The following FERMT2 variants were observed in gnomAD, a reference collection of about 807,000 sequenced individuals.
The protein encoded by FERMT2 is fermitin family homolog 2.
FERMT2 carries 15 observed loss-of-function variants against 82.7 expected under a neutral mutation model. That is an observed-to-expected ratio of 0.18 (90% CI 0.12 to 0.28). The LOEUF is 0.28. Ranked by LOEUF, FERMT2 falls within the 10% of genes least tolerant of loss-of-function variation. The probability of loss-of-function intolerance (pLI) is 1.00; values close to 1 mark genes in which losing one functional copy is unlikely to be tolerated. For synonymous variants in FERMT2, 274 were observed against 271.5 expected (o/e 1.01, Z -0.09); for missense variants, 645 against 809.4 (o/e 0.80, Z 2.46).
At chr14:52,912,873 A>C (rs1020864758) in intron 3 of FERMT2, among the ~76,000 whole-genome samples, 2 of 152,070 alleles carry the variant, frequency 1.3e-5, no homozygotes, top group Non-Finnish European at 2.9e-5. Flanking sequence ...TCTTTATTCC[A>C]TCATTTTTTT....
At chr14:52,924,783 G>C (rs1889156395) in intron 2 of FERMT2, among the ~76,000 whole-genome samples, 1 of 152,172 alleles carries the variant, frequency 6.6e-6, no homozygotes, top group East Asian at 1.9e-4. Context: ...ATAGCTGGTA[G>C]ATAGAAAGGA....
intron 3 of FERMT2, among the ~76,000 whole-genome samples, chr14:52,896,768 C>T (rs969696227): frequency 5.9e-5 from 9 of 152,064 alleles, no homozygotes; most frequent in African/African-American, 2.2e-4. Context: ...AGTGGGAGAA[C>T]TGCTTGAGCT....
chr14:52,886,316 T>G (rs1219153913), intron 4 of FERMT2, among the ~76,000 whole-genome samples: 2 of 151,926 alleles, frequency 1.3e-5, no homozygotes, highest in African/African-American at 2.4e-5. Context: ...TGTGATATAA[T>G]GTATAGATAT....
chr14:52,938,925 T>C (rs1479927875), intron 2 of FERMT2, among the ~76,000 whole-genome samples: 1 of 152,074 alleles, frequency 6.6e-6, no homozygotes, highest in Non-Finnish European at 1.5e-5. Flanking sequence ...GTCTATAATT[T>C]TGTATATGTG....
chr14:52,905,378 T>C (rs1223092151), intron 3 of FERMT2, among the ~76,000 whole-genome samples: 1 of 152,168 alleles, frequency 6.6e-6, no homozygotes, highest in Non-Finnish European at 1.5e-5. Context: ...AGTAGTCTCA[T>C]GGTATAAGCC....
At chr14:52,909,893 A>T (rs1200867698) in intron 3 of FERMT2, among the ~76,000 whole-genome samples, 3 of 151,980 alleles carry the variant, frequency 2.0e-5, no homozygotes, top group Non-Finnish European at 4.4e-5. Context: ...TCTCTACTAA[A>T]AATACAAAAA....
intron 2 of FERMT2, among the ~76,000 whole-genome samples, chr14:52,942,553 C>G (rs1014397549): frequency 6.6e-6 from 1 of 151,830 alleles, no homozygotes; most frequent in African/African-American, 2.4e-5. Flanking sequence ...CCACCTGCCT[C>G]GGCCTCCCAA....
chr14:52,873,136 G>A (rs562320929), intron 9 of FERMT2, among the ~76,000 whole-genome samples: 2 of 152,146 alleles, frequency 1.3e-5, no homozygotes, highest in South Asian at 2.1e-4. Flanking sequence ...CACAAACAGC[G>A]TTCCGAGGAG....
intron 10 of FERMT2, among the ~76,000 whole-genome samples, chr14:52,868,722 C>T (rs751706422): frequency 1.3e-5 from 2 of 152,108 alleles, no homozygotes; most frequent in Admixed American, 6.6e-5. Context: ...TAGTGGTGTG[C>T]ACCTGCAGTG....
intron 3 of FERMT2, among the ~76,000 whole-genome samples, chr14:52,916,789 G>A (rs1292118043): frequency 6.6e-6 from 1 of 152,282 alleles, no homozygotes; most frequent in East Asian, 1.9e-4. Context: ...TGAGGACAGA[G>A]GGTATGTGGG....
intron 3 of FERMT2, among the ~76,000 whole-genome samples, chr14:52,897,395 GTTC>G (rs1427323343): frequency 6.6e-6 from 1 of 152,054 alleles, no homozygotes; most frequent in South Asian, 2.1e-4. Context: ...ATGGATATAT[GTTC>G]TTGTTTTATG....
chr14:52,860,128 T>C (rs1884836828), intron 13 of FERMT2: 1 of 491,228 alleles, frequency 2.0e-6, no homozygotes, highest in African/African-American at 2.0e-5. Flanking sequence ...AGAGTGCTAT[T>C]CTCTTAGTAG....
At chr14:52,876,977 T>C (rs1885996558) in intron 7 of FERMT2, among the ~76,000 whole-genome samples, 1 of 152,174 alleles carries the variant, frequency 6.6e-6, no homozygotes, top group African/African-American at 2.4e-5. Flanking sequence ...GACCATTCCA[T>C]TTCCATGAAT....
chr14:52,869,149 G>A (rs149477215), intron 10 of FERMT2, among the ~76,000 whole-genome samples: 6 of 152,250 alleles, frequency 3.9e-5, no homozygotes, highest in African/African-American at 1.4e-4. Flanking sequence ...AGCAGGAGAA[G>A]GTTGCAACAG....
intron 3 of FERMT2, among the ~76,000 whole-genome samples, chr14:52,901,937 C>G (rs1240489304): frequency 6.6e-6 from 1 of 152,028 alleles, no homozygotes; most frequent in East Asian, 1.9e-4. Flanking sequence ...CAATGCAACA[C>G]CAACAAACCT....
chr14:52,872,938 G>T lies in FERMT2; in HGVS notation c.1149-15C>A. The T allele has an allele frequency of 6.2e-7, 1 of 1,609,918 alleles. No individual in the cohort carries two copies. The highest frequency in any genetic ancestry group is 8.5e-7 in the Non-Finnish European group (1 of 1,178,008). ...GCTTTTTTGGCCTATGTATCAAAGA[G>T]AATTAACAACAAAATCACTTGGAAG... On this transcript the variant is annotated splice_polypyrimidine_tract_variant and intron_variant, in intron 9 of 14. Transcript: ENST00000341590.
chr14:52,890,848 C>T (rs1046055977), intron 4 of FERMT2, among the ~76,000 whole-genome samples: 1 of 152,058 alleles, frequency 6.6e-6, no homozygotes, highest in East Asian at 1.9e-4. Flanking sequence ...GGTGATCCAC[C>T]CACCTCAGCC....
rs774117755 is a variant in FERMT2 at position 52,919,072 on chromosome 14, A to G, written c.391+51T>C. On this transcript the variant is annotated intron_variant, in intron 3 of 14. Coordinates refer to ENST00000341590, the MANE Select transcript of FERMT2 (RefSeq NM_006832.3). ...GGATAAGCTATGTCAGTCATCGGTC[A>G]TCTGTACATCACATAACTCGTATTT... 7.8e-6 allele frequency: 10 copies of G among 1,279,928 alleles called. No homozygotes were observed. The East Asian group carries it at 2.3e-4, about 30-fold the overall frequency. The allele number at this position is 1,279,928 out of a possible 1,614,324, so 79.3% of individuals were successfully genotyped here. A position where few individuals can be genotyped will look rare whatever the true frequency, so the allele number is the denominator to read the frequency against.
intron 2 of FERMT2, among the ~76,000 whole-genome samples, chr14:52,924,199 AGAG>A (rs143347105): frequency 6.6e-6 from 1 of 152,320 alleles, no homozygotes; most frequent in African/African-American, 2.4e-5. Context: ...CAAGGTGGCT[AGAG>A]GAGAGGAAAT....
Sources: gnomAD v4.1 joint callset for allele counts (sites outside exome capture counted in the v4.1 genomes callset) on GRCh38, gnomAD v4.1.1 for gene constraint, MANE v1.5 for transcripts, NCBI Gene and HGNC (gene_info 2026-07-23, HGNC 2026-07-21) for gene names.